SLC39A11: variants seen among roughly 807,000 people sequenced by gnomAD.
SLC39A11 encodes the protein solute carrier family 39 member 11.
Under a neutral mutation model 36.1 loss-of-function variants are expected in SLC39A11, and 33 were observed. The ratio of observed to expected loss-of-function variants is 0.91; its 90% CI spans 0.69 to 1.22. SLC39A11 has a LOEUF of 1.22. Ranked by LOEUF, SLC39A11 falls within the 50% of genes most tolerant of loss-of-function variation. The pLI is 0.00. For missense variants in SLC39A11, 432 were observed against 430.3 expected (o/e 1.00, Z -0.03); for synonymous variants, 166 against 170.3 (o/e 0.97, Z 0.20).
At chr17:72,956,455 C>T (rs139619867) in intron 4 of SLC39A11, among the ~76,000 whole-genome samples, 128 of 152,326 alleles carry the variant, frequency 8.4e-4, no homozygotes, top group African/African-American at 2.8e-3. Context: ...CCTACTAGCA[C>T]GGCTGACAGA....
intron 7 of SLC39A11, among the ~76,000 whole-genome samples, chr17:72,656,549 G>A (rs772788065): frequency 4.6e-5 from 7 of 151,588 alleles, no homozygotes; most frequent in Admixed American, 6.5e-5. Flanking sequence ...AGGGAGGGTC[G>A]ACAGGGCAGG....
At chr17:72,708,941 T>TG (rs111936687) in intron 7 of SLC39A11, among the ~76,000 whole-genome samples, 2 of 76,226 alleles carry the variant, frequency 2.6e-5, no homozygotes, top group East Asian at 7.2e-4. Flanking sequence ...TTTTCTTTTC[T>TG]TTTTTTTTTT....
rs1269639797 is a variant in SLC39A11, at chr17:72,888,501, CCTAAATAGAGACGCTT to C, written c.431-38713_431-38698del. Among the ~76,000 whole-genome samples, 5 of 152,292 alleles carry C rather than the reference CCTAAATAGAGACGCTT, an allele frequency of 3.3e-5. No homozygotes were observed. In the East Asian group the frequency reaches 9.6e-4, roughly 29 times the overall value. On this transcript the variant is annotated intron_variant, in intron 5 of 9. Transcript: ENST00000255559. ...AGGCCTTCTGGAACCTCTTCCCTGA[CCTAAATAGAGACGCTT>C]CTAAACATTTTAGAAGGCATGATCT...
chr17:72,648,536 A>G (rs1313550414), intron 9 of SLC39A11, among the ~76,000 whole-genome samples: 1 of 151,866 alleles, frequency 6.6e-6, no homozygotes, highest in African/African-American at 2.4e-5. Context: ...AATATACAAA[A>G]ACGATAGTCT....
intron 4 of SLC39A11, among the ~76,000 whole-genome samples, chr17:73,009,606 G>A (rs181434439): frequency 1.9e-3 from 286 of 150,260 alleles, no homozygotes; most frequent in Non-Finnish European, 3.2e-3. Flanking sequence ...GGGTTTCCTT[G>A]GGGGGGTGAT....
In SLC39A11 at chr17:72,686,802, A is replaced by T. The variant is rs191024079; in HGVS notation, c.672-37534T>A. On this transcript the variant is annotated intron_variant, in intron 7 of 9. Transcript: ENST00000255559. ...TCCCTTGCAGTAAAAGATTTAAATT[A>T]GAGTATCTTCTAAACAGGGGCGTAA... Among the ~76,000 whole-genome samples, 19 of 152,324 alleles carry T rather than the reference A, an allele frequency of 1.2e-4. No homozygotes were observed. In the East Asian group the frequency reaches 3.7e-3, roughly 29 times the overall value.
chr17:72,845,589 C>A (rs2079012569), intron 6 of SLC39A11, among the ~76,000 whole-genome samples: 1 of 152,224 alleles, frequency 6.6e-6, no homozygotes, highest in Admixed American at 6.5e-5. Context: ...AAATCACTAA[C>A]CACCTTCTAA....
intron 7 of SLC39A11, among the ~76,000 whole-genome samples, chr17:72,686,574 C>G (rs140099751): frequency 7.5e-6 from 1 of 134,214 alleles, no homozygotes. Context: ...TAAAACTGTT[C>G]TTCTGTCCAG....
intron 6 of SLC39A11, among the ~76,000 whole-genome samples, chr17:72,802,687 T>C (rs1269014768): frequency 6.6e-6 from 1 of 151,376 alleles, no homozygotes; most frequent in African/African-American, 2.4e-5. Context: ...GGGAGGCATG[T>C]GTATGGGGCG....
intron 5 of SLC39A11, among the ~76,000 whole-genome samples, chr17:72,908,561 G>A (rs2147066097): frequency 6.6e-6 from 1 of 152,318 alleles, no homozygotes; most frequent in Middle Eastern, 3.4e-3. Flanking sequence ...GGTTCTCCAT[G>A]AAAACAGGTC....
chr17:72,713,090 G>A (rs2073180788), intron 7 of SLC39A11: 1 of 152,456 alleles, frequency 6.6e-6, no homozygotes, highest in African/African-American at 2.4e-5. Context: ...ACAGGGGAAG[G>A]TAAACAGGAA....
At chr17:72,925,813 A>C in intron 5 of SLC39A11, among the ~76,000 whole-genome samples, 1 of 152,236 alleles carries the variant, frequency 6.6e-6, no homozygotes, top group East Asian at 1.9e-4. Context: ...ACATGGCCAC[A>C]GGGGCTGCTG....
intron 5 of SLC39A11, among the ~76,000 whole-genome samples, chr17:72,914,463 A>G (rs2083220664): frequency 6.6e-6 from 1 of 152,210 alleles, no homozygotes; most frequent in Non-Finnish European, 1.5e-5. Context: ...ATATGGGAGG[A>G]TGTGCATATA....
chr17:72,722,258 G>A (rs778385563), intron 7 of SLC39A11, among the ~76,000 whole-genome samples: 9 of 152,086 alleles, frequency 5.9e-5, no homozygotes, highest in Non-Finnish European at 1.0e-4. Context: ...CTCATTGATG[G>A]CTTCTGCACA....
At chr17:72,944,277 C>T (rs542839574) in intron 5 of SLC39A11, among the ~76,000 whole-genome samples, 1 of 152,324 alleles carries the variant, frequency 6.6e-6, no homozygotes, top group East Asian at 1.9e-4. Context: ...TGCTTGGTAA[C>T]ATTTCAACTT....
Position 73,088,784 on chromosome 17 carries a change from G to C in SLC39A11, c.-11-9C>G. 1 of 1,571,046 alleles carries C rather than the reference G, an allele frequency of 6.4e-7. No homozygotes were observed. Among genetic ancestry groups the C allele is most frequent in the Non-Finnish European group, 8.7e-7 (1 of 1,155,242 alleles). ...GAGCATGCTGGATACAGCTGTGCAA[G>C]AGGAGCGAGAGGGTCAGCCACCGGT... On this transcript the variant is annotated splice_polypyrimidine_tract_variant and intron_variant, in intron 1 of 9. Transcript: ENST00000255559.
At chr17:73,091,368 C>T (rs557411962) in intron 1 of SLC39A11, among the ~76,000 whole-genome samples, 70 of 152,090 alleles carry the variant, frequency 4.6e-4, no homozygotes, top group Middle Eastern at 3.4e-3. Context: ...CGCTTGAACC[C>T]GGGAGGCGGA....
chr17:72,860,163 A>G (rs1365672638), intron 5 of SLC39A11, among the ~76,000 whole-genome samples: 2 of 151,946 alleles, frequency 1.3e-5, no homozygotes, highest in Non-Finnish European at 2.9e-5. Context: ...AGGCAGCACT[A>G]TGACAGAGTA....
chr17:72,964,748 C>A (rs2086846090), intron 4 of SLC39A11, among the ~76,000 whole-genome samples: 1 of 152,170 alleles, frequency 6.6e-6, no homozygotes, highest in Non-Finnish European at 1.5e-5. Context: ...CATCCCATTA[C>A]TGGGTATATA....
Sources: gnomAD v4.1 joint callset for allele counts (sites outside exome capture counted in the v4.1 genomes callset) on GRCh38, gnomAD v4.1.1 for gene constraint, MANE v1.5 for transcripts, NCBI Gene and HGNC (gene_info 2026-07-23, HGNC 2026-07-21) for gene names.